The following GTF2H1 variants were observed in gnomAD, a reference collection of about 807,000 sequenced individuals.
GTF2H1 encodes BTF2 p62.
GTF2H1 carries 16 observed loss-of-function variants against 71.2 expected under a neutral mutation model. That is an observed-to-expected ratio of 0.22 (90% CI 0.15 to 0.34). The LOEUF (loss-of-function observed/expected upper bound fraction) is 0.34, where lower values mean the gene tolerates loss of function less well. GTF2H1 is among the 10% of genes least tolerant of loss of function. The probability of loss-of-function intolerance (pLI) is 1.00; values close to 1 mark genes in which losing one functional copy is unlikely to be tolerated. For missense variants in GTF2H1, 498 were observed against 648.2 expected, an observed-to-expected ratio of 0.77 and a Z score of 2.52; for synonymous variants, 215 against 219.0, an observed-to-expected ratio of 0.98 and a Z score of 0.16.
chr11:18,343,209 A>T (rs1433536360), intron 7 of GTF2H1, among the ~76,000 whole-genome samples: 1 of 152,194 alleles, frequency 6.6e-6, no homozygotes, highest in East Asian at 1.9e-4. Flanking sequence ...GATGTGAGCC[A>T]CTGTGCCCGG....
At chr11:18,365,248 C>T (rs1013112695) in intron 14 of GTF2H1, among the ~76,000 whole-genome samples, 2 of 151,870 alleles carry the variant, frequency 1.3e-5, no homozygotes, top group African/African-American at 4.8e-5. Flanking sequence ...TGTGGTGGCT[C>T]ATGGTTGTAA....
At chr11:18,340,761 G>C (rs1439194250) in intron 5 of GTF2H1, among the ~76,000 whole-genome samples, 6 of 152,208 alleles carry the variant, frequency 3.9e-5, no homozygotes, top group Non-Finnish European at 8.8e-5. Context: ...GAAAGATTAA[G>C]TAATTTGCTC....
At chr11:18,339,722 AAAAC>A (rs1865111738) in intron 5 of GTF2H1, 65 bp downstream of exon 5, 3 of 959,156 alleles carry the variant, frequency 3.1e-6, no homozygotes, top group South Asian at 3.1e-5. Context: ...ATATCAGTGA[AAAAC>A]AAAAAGCTTC....
At chr11:18,334,458 A>G (rs185041755) in intron 2 of GTF2H1, among the ~76,000 whole-genome samples, 19 of 152,366 alleles carry the variant, frequency 1.2e-4, no homozygotes, top group African/African-American at 4.1e-4. Flanking sequence ...TTCTGTAACA[A>G]TAGACTTATA....
At chr11:18,331,207 T>A (rs958770580) in intron 1 of GTF2H1, among the ~76,000 whole-genome samples, 2 of 152,052 alleles carry the variant, frequency 1.3e-5, no homozygotes, top group African/African-American at 4.8e-5. Flanking sequence ...CAGGAGCACA[T>A]CCTTTTGCCC....
intron 2 of GTF2H1, 26 bp from the exon 3 acceptor site, chr11:18,335,728 C>T: frequency 2.5e-6 from 4 of 1,569,348 alleles, no homozygotes; most frequent in Non-Finnish European, 2.6e-6. Context: ...GTGTCATCAT[C>T]TAACTGCCCT....
intron 7 of GTF2H1, among the ~76,000 whole-genome samples, chr11:18,343,087 A>G (rs1194908251): frequency 6.6e-6 from 1 of 152,076 alleles, no homozygotes; most frequent in Non-Finnish European, 1.5e-5. Flanking sequence ...ACGCCAGGCT[A>G]ATTTTTGTAT....
chr11:18,362,992 T>C (rs528918496), intron 14 of GTF2H1, among the ~76,000 whole-genome samples: 8 of 152,020 alleles, frequency 5.3e-5, no homozygotes, highest in Non-Finnish European at 1.2e-4. Context: ...TTTAATTTTT[T>C]TTTTCTTTTT....
In GTF2H1 at chr11:18,338,126, C is replaced by G. The variant is rs1390202191; in HGVS notation, c.365C>G (p.Pro122Arg). 1.2e-6 allele frequency: 2 copies of G among 1,610,752 alleles called. No individual in the cohort carries two copies. Among genetic ancestry groups the G allele is most frequent in the Non-Finnish European group, 1.7e-6 (2 of 1,177,078 alleles). ...CTTTACAGAATGCTGCAAGAAGATCCTGTTTTGTTTCAGCTTTATAAAGAC... is the reference window on the plus strand; with the variant it reads ...CTTTACAGAATGCTGCAAGAAGATCGTGTTTTGTTTCAGCTTTATAAAGAC... ...EEKNRMLQED[P>R]VLFQLYKDLV... The change falls in exon 4 of 15, where the codon CCT becomes CGT. Residue 122 changes from proline to arginine, a missense_variant. By Grantham distance (103) the Pro-to-Arg change is moderately radical. Transcript: ENST00000265963.
chr11:18,365,320 G>A (rs537576987), intron 14 of GTF2H1, among the ~76,000 whole-genome samples: 9 of 152,154 alleles, frequency 5.9e-5, no homozygotes, highest in African/African-American at 2.2e-4. Flanking sequence ...GGAGGCTGCA[G>A]TGAGCCAAAA....
chr11:18,364,612 A>T (rs1865777571), intron 14 of GTF2H1, among the ~76,000 whole-genome samples: 1 of 152,120 alleles, frequency 6.6e-6, no homozygotes. Context: ...AAAAGATTCC[A>T]TATGATCCTG....
intron 1 of GTF2H1, among the ~76,000 whole-genome samples, chr11:18,324,999 A>G (rs1565001673): frequency 6.6e-6 from 1 of 152,182 alleles, no homozygotes; most frequent in Non-Finnish European, 1.5e-5. Context: ...CTCTTTACAT[A>G]CTTATAAAGT....
At chr11:18,365,503 C>T (rs1224548914) in intron 14 of GTF2H1, among the ~76,000 whole-genome samples, 1 of 152,284 alleles carries the variant, frequency 6.6e-6, no homozygotes, top group Middle Eastern at 3.4e-3. Context: ...GAATTGAGGC[C>T]TGGAGCACAA....
At position 18,366,596 on chromosome 11, in the gene GTF2H1, A is replaced by T. The variant is rs1216230851; in HGVS notation, c.*727A>T. ...AATAAAGAGGGAATATATTTGCAGA[A>T]AGTCGCATAGGGTTTTTTAATGCAG... On this transcript the variant is annotated 3_prime_UTR_variant, in exon 15 of 15. Transcript: ENST00000265963. 2 of 152,622 alleles carry T rather than the reference A, an allele frequency of 1.3e-5. No individual in the cohort carries two copies. Among genetic ancestry groups the T allele is most frequent in the Admixed American group, 6.5e-5 (1 of 15,270 alleles). The allele number at this position is 152,622 out of a possible 1,614,324, so 9.5% of individuals were successfully genotyped here.
chr11:18,353,024 G>A (rs1309150698), intron 11 of GTF2H1, among the ~76,000 whole-genome samples: 1 of 152,146 alleles, frequency 6.6e-6, no homozygotes, highest in Non-Finnish European at 1.5e-5. Context: ...TCAGAAGTTC[G>A]AGACCAGCCT....
chr11:18,357,197 A>G (rs926638567), intron 11 of GTF2H1, among the ~76,000 whole-genome samples: 11 of 152,106 alleles, frequency 7.2e-5, no homozygotes, highest in Non-Finnish European at 2.9e-5. Context: ...CTGTTTCACA[A>G]ATTATTTGTT....
intron 13 of GTF2H1, among the ~76,000 whole-genome samples, chr11:18,358,967 A>C (rs1865634656): frequency 6.6e-6 from 1 of 152,242 alleles, no homozygotes; most frequent in Non-Finnish European, 1.5e-5. Context: ...TTCAGGGATA[A>C]CAAAATCCAA....
At chr11:18,328,258 C>A (rs1240548894) in intron 1 of GTF2H1, among the ~76,000 whole-genome samples, 1 of 149,900 alleles carries the variant, frequency 6.7e-6, no homozygotes, top group African/African-American at 2.5e-5. Flanking sequence ...CGCCTGTAAT[C>A]CCAGCACTTT....
intron 1 of GTF2H1, among the ~76,000 whole-genome samples, chr11:18,327,555 A>C (rs1213751889): frequency 6.6e-6 from 1 of 152,198 alleles, no homozygotes; most frequent in Non-Finnish European, 1.5e-5. Context: ...GGGGACTGAG[A>C]TAATGCCTAT....
Sources: gnomAD v4.1 joint callset for allele counts (sites outside exome capture counted in the v4.1 genomes callset) on GRCh38, gnomAD v4.1.1 for gene constraint, MANE v1.5 for transcripts, NCBI Gene and HGNC (gene_info 2026-07-23, HGNC 2026-07-21) for gene names.